ZDHHC2: variants seen among roughly 807,000 people sequenced by gnomAD.
ZDHHC2 encodes palmitoyltransferase ZDHHC2.
Under a neutral mutation model 55.6 loss-of-function variants are expected in ZDHHC2, and 51 were observed. That is an observed-to-expected ratio of 0.92 (90% CI 0.73 to 1.16). The LOEUF (loss-of-function observed/expected upper bound fraction) is 1.16. ZDHHC2 is among the 50% of genes most tolerant of loss of function. ZDHHC2 has a pLI of 0.00. For missense variants in ZDHHC2, 491 were observed against 442.4 expected (o/e 1.11, Z -0.99); for synonymous variants, 199 against 152.9 (o/e 1.30, Z -2.22).
At chr8:17,174,195 C>T (rs556038865) in intron 1 of ZDHHC2, among the ~76,000 whole-genome samples, 1 of 151,602 alleles carries the variant, frequency 6.6e-6, no homozygotes, top group Non-Finnish European at 1.5e-5. Flanking sequence ...TTTAATCAAT[C>T]TTTCTGACTC....
At chr8:17,164,209 T>A (rs1310116559) in intron 1 of ZDHHC2, among the ~76,000 whole-genome samples, 1 of 152,232 alleles carries the variant, frequency 6.6e-6, no homozygotes, top group Non-Finnish European at 1.5e-5. Context: ...TGGCCATGAC[T>A]TTTAAATTCA....
At chr8:17,213,220 T>G (rs1421551015) in intron 10 of ZDHHC2, among the ~76,000 whole-genome samples, 1 of 152,078 alleles carries the variant, frequency 6.6e-6, no homozygotes, top group African/African-American at 2.4e-5. Flanking sequence ...AAATAGTAAC[T>G]TTCTCCGCCT....
Position 17,224,760 on chromosome 8 carries a change from C to A in ZDHHC2, c.*4539C>A, listed in dbSNP as rs1205096021. On this transcript the variant is annotated 3_prime_UTR_variant, in exon 13 of 13. Coordinates refer to ENST00000262096, the MANE Select transcript of ZDHHC2 (RefSeq NM_016353.5). ...CTTTTTCTGTCAGTATGTATGGCTCCCTAATTGAAAACATCTTAAATGAAC... is the reference window on the plus strand; with the variant it reads ...CTTTTTCTGTCAGTATGTATGGCTCACTAATTGAAAACATCTTAAATGAAC... 6.6e-6 allele frequency: 1 copy of A among 151,624 alleles called. No homozygotes were observed. The highest frequency in any genetic ancestry group is 6.6e-5 in the Admixed American group (1 of 15,192). The allele number at this position is 151,624 out of a possible 1,614,324, so 9.4% of individuals were successfully genotyped here.
At chr8:17,187,413 A>T (rs537509846) in intron 3 of ZDHHC2, among the ~76,000 whole-genome samples, 22 of 146,164 alleles carry the variant, frequency 1.5e-4, no homozygotes, top group East Asian at 2.0e-4. Context: ...AGCCAAGTTT[A>T]AAAAAAAAAA....
intron 4 of ZDHHC2, among the ~76,000 whole-genome samples, chr8:17,196,479 A>G (rs1325001929): frequency 6.6e-6 from 1 of 152,066 alleles, no homozygotes; most frequent in Non-Finnish European, 1.5e-5. Flanking sequence ...GCTTGAGCCC[A>G]GGAGTTAGAA....
At position 17,192,727 on chromosome 8, in the gene ZDHHC2, C is replaced by G. The variant is rs144789868; in HGVS notation, c.253-2777C>G. Reference sequence around the variant, plus strand: ...CCAATGCTTTGGAGAGTTTCCCCAACGTTTTCTTTTACTGGTTTCATAATT... The same window carrying G: ...CCAATGCTTTGGAGAGTTTCCCCAAGGTTTTCTTTTACTGGTTTCATAATT... On this transcript the variant is annotated intron_variant, in intron 3 of 12. Coordinates refer to ENST00000262096, the MANE Select transcript of ZDHHC2 (RefSeq NM_016353.5). Among the ~76,000 whole-genome samples, 1,007 of 152,274 alleles carry G rather than the reference C, an allele frequency of 6.6e-3. 13 individuals carry two copies. Among genetic ancestry groups the G allele is most frequent in the African/African-American group, 0.023 (947 of 41,554 alleles).
At chr8:17,169,602 T>C (rs993380671) in intron 1 of ZDHHC2, among the ~76,000 whole-genome samples, 4 of 152,004 alleles carry the variant, frequency 2.6e-5, no homozygotes, top group African/African-American at 9.7e-5. Flanking sequence ...TACATGTGAG[T>C]GCATGGTGTC....
intron 1 of ZDHHC2, among the ~76,000 whole-genome samples, chr8:17,170,262 G>A (rs545816807): frequency 2.0e-5 from 3 of 152,176 alleles, no homozygotes; most frequent in Non-Finnish European, 4.4e-5. Flanking sequence ...GTGAGCTAGT[G>A]AATAGCTGGA....
intron 4 of ZDHHC2, among the ~76,000 whole-genome samples, chr8:17,197,211 A>C (rs898233852): frequency 1.3e-5 from 2 of 152,208 alleles, no homozygotes; most frequent in East Asian, 1.9e-4. Context: ...AGTTCAGTTT[A>C]AAACTTTTTT....
chr8:17,220,703 C>A lies in ZDHHC2; in HGVS notation c.*482C>A, dbSNP rs1336545440. The A allele has an allele frequency of 6.6e-6, 1 of 152,054 alleles. No homozygotes were observed. The highest frequency in any genetic ancestry group is 1.5e-5 in the Non-Finnish European group (1 of 67,996). 9.4% of individuals were successfully genotyped at this position (152,054 alleles called of 1,614,324 possible). A position where few individuals can be genotyped will look rare whatever the true frequency, so the allele number is the denominator to read the frequency against. ...CTTTAAGAAGGTGGAAGTGGCAAAC[C>A]ATACTTCTTTTTTTTCCTCTGATGT... On this transcript the variant is annotated 3_prime_UTR_variant, in exon 13 of 13. Transcript: ENST00000262096.
intron 6 of ZDHHC2, among the ~76,000 whole-genome samples, chr8:17,201,673 T>C (rs1452414817): frequency 2.2e-4 from 33 of 150,068 alleles, no homozygotes; most frequent in African/African-American, 7.6e-4. Context: ...TGGTTTTTTT[T>C]TTTTTTGTAT....
At chr8:17,160,401 A>G (rs558873009) in intron 1 of ZDHHC2, among the ~76,000 whole-genome samples, 1 of 152,200 alleles carries the variant, frequency 6.6e-6, no homozygotes, top group Non-Finnish European at 1.5e-5. Context: ...TAGTTACGTC[A>G]TTTTAAACGA....
intron 6 of ZDHHC2, among the ~76,000 whole-genome samples, chr8:17,205,134 C>G (rs1563165644): frequency 6.6e-6 from 1 of 152,224 alleles, no homozygotes; most frequent in Non-Finnish European, 1.5e-5. Context: ...ACCCAGCTGT[C>G]TAACTGCCAG....
At chr8:17,171,053 T>G (rs1804829283) in intron 1 of ZDHHC2, among the ~76,000 whole-genome samples, 1 of 152,122 alleles carries the variant, frequency 6.6e-6, no homozygotes, top group African/African-American at 2.4e-5. Flanking sequence ...GTTGAGGGTG[T>G]AGTATCCACC....
chr8:17,201,339 T>C (rs184919828), intron 6 of ZDHHC2, among the ~76,000 whole-genome samples: 2 of 152,202 alleles, frequency 1.3e-5, no homozygotes, highest in Admixed American at 6.5e-5. Context: ...CTTCACTTAA[T>C]GTATCCTGGA....
At chr8:17,157,115 C>G (rs927727999) in intron 1 of ZDHHC2, among the ~76,000 whole-genome samples, 3 of 152,088 alleles carry the variant, frequency 2.0e-5, no homozygotes, top group African/African-American at 7.2e-5. Context: ...CCGCCTTCCG[C>G]TCACCGCCGC....
At chr8:17,160,006 G>A (rs1351490498) in intron 1 of ZDHHC2, among the ~76,000 whole-genome samples, 3 of 152,068 alleles carry the variant, frequency 2.0e-5, no homozygotes, top group African/African-American at 7.2e-5. Flanking sequence ...ACATTTGTAC[G>A]GGGAACTTTA....
At chr8:17,215,114 TTG>T in intron 10 of ZDHHC2, 121 bp from the exon 11 acceptor site, 1 of 738,054 alleles carries the variant, frequency 1.4e-6, no homozygotes, top group East Asian at 2.7e-5. Context: ...CCACGTTATT[TTG>T]GGTACCTCCT....
chr8:17,187,350 A>G (rs1805765129), intron 3 of ZDHHC2, among the ~76,000 whole-genome samples: 2 of 152,156 alleles, frequency 1.3e-5, no homozygotes, highest in Admixed American at 6.5e-5. Flanking sequence ...AGCCCAGTAC[A>G]TTGTTGAATA....
Sources: allele counts gnomAD v4.1 joint callset (sites outside exome capture counted in the v4.1 genomes callset), GRCh38; gene constraint gnomAD v4.1.1; transcripts MANE v1.5; gene names NCBI Gene and HGNC (gene_info 2026-07-23, HGNC 2026-07-21).